The following IL10RA variants were observed in gnomAD, a reference collection of about 807,000 sequenced individuals.
IL10RA encodes the protein interleukin-10 receptor subunit alpha.
A neutral mutation model predicts 29.6 loss-of-function variants in IL10RA; 18 were observed. That is an observed-to-expected ratio of 0.61 (90% confidence interval 0.42 to 0.90). The LOEUF is 0.90. Ranked by LOEUF, IL10RA falls within the 40% of genes least tolerant of loss-of-function variation. The probability of loss-of-function intolerance (pLI) is 0.00; values close to 1 mark genes in which losing one functional copy is unlikely to be tolerated. For synonymous variants in IL10RA, 292 were observed against 294.1 expected (o/e 0.99, Z 0.07); for missense variants, 634 against 716.6 (o/e 0.88, Z 1.32).
chr11:117,991,084 C>T (rs772027721), intron 3 of IL10RA, among the ~76,000 whole-genome samples: 69 of 151,968 alleles, frequency 4.5e-4, no homozygotes, highest in Non-Finnish European at 7.9e-4. Flanking sequence ...GTAGTCTCAG[C>T]TACTCAGGGA....
chr11:118,000,133 A>T lies in IL10RA; in HGVS notation c.*492A>T. The stretch of plus-strand genomic sequence containing the variant: ...TTGCTGCTGGGGTCATTTTTAGGGG[A>T]AAAAGGAGGATATGATGGTCACATG... On this transcript the variant is annotated 3_prime_UTR_variant, in exon 7 of 7. Transcript: ENST00000227752. 1 of 454,716 alleles carries T rather than the reference A, an allele frequency of 2.2e-6. No homozygotes were observed. Among genetic ancestry groups the T allele is most frequent in the Non-Finnish European group, 4.4e-6 (1 of 227,364 alleles). 28.2% of individuals were successfully genotyped at this position (454,716 alleles called of 1,614,324 possible).
At chr11:118,002,467 A>G (rs2058101667), downstream of IL10RA, 1 of 152,250 alleles carries the variant, frequency 6.6e-6, no homozygotes, top group Admixed American at 6.5e-5. Flanking sequence ...ATTGGAAAGA[A>G]AAGTAGTGTT....
At position 117,989,284 on chromosome 11, in the gene IL10RA, C is replaced by T. The variant is rs1264115279; in HGVS notation, c.189-158C>T. ...ACGGGGTCCCAAGACCAAGGGAGAC[C>T]CCTCACAATGAGCTGCCGTGGACTA... On this transcript the variant is annotated intron_variant, in intron 2 of 6. Transcript: ENST00000227752. This position sits in a 1 kb window ranked among gnomAD's most constrained non-coding sequence, Gnocchi z 4.5. The T allele has an allele frequency of 6.8e-6, 5 of 732,806 alleles. No individual in the cohort carries two copies. The East Asian group carries it at 1.1e-4, about 15-fold the overall frequency. 45.4% of individuals were successfully genotyped at this position (732,806 alleles called of 1,614,324 possible). A position where few individuals can be genotyped will look rare whatever the true frequency, so the allele number is the denominator to read the frequency against.
At position 117,997,921 on chromosome 11, in the gene IL10RA, G is replaced by A. The variant is rs190977466; in HGVS notation, c.811-794G>A. 3.9e-5 allele frequency among the ~76,000 whole-genome samples: 6 copies of A among 152,236 alleles called. No individual in the cohort carries two copies. The East Asian group carries it at 5.8e-4, about 15-fold the overall frequency. On this transcript the variant is annotated intron_variant, in intron 6 of 6. Coordinates refer to ENST00000227752, the MANE Select transcript of IL10RA (RefSeq NM_001558.4). ...ACAGGACACAGCCATATAAAGTGCC[G>A]AGAGCATTTCAAGCAGGAGGGAGAG...
Position 117,995,668 on chromosome 11 carries a change from C to T in IL10RA, c.768C>T (p.Leu256=). 1 of 1,614,122 alleles carries T rather than the reference C, an allele frequency of 6.2e-7. No individual in the cohort carries two copies. The highest frequency in any genetic ancestry group is 8.5e-7 in the Non-Finnish European group (1 of 1,180,030). Residue 256 remains leucine (L), a synonymous_variant, in exon 6 of 7, where the codon CTC becomes CTT. Coordinates refer to ENST00000227752, the MANE Select transcript of IL10RA (RefSeq NM_001558.4). ...LSGALAYCLA[L]QLYVRRRKKL... The stretch of plus-strand genomic sequence containing the variant: ...GAGCCCTCGCCTACTGCCTGGCCCT[C>T]CAGCTGTATGTGCGGCGCCGAAAGA...
intron 3 of IL10RA, among the ~76,000 whole-genome samples, chr11:117,990,939 G>A (rs745812797): frequency 2.6e-5 from 4 of 152,174 alleles, no homozygotes; most frequent in Non-Finnish European, 4.4e-5. Flanking sequence ...GCTCACGGCT[G>A]TAATCCCAGC....
chr11:117,992,078 T>G (rs2058026183), intron 3 of IL10RA, among the ~76,000 whole-genome samples: 1 of 152,198 alleles, frequency 6.6e-6, no homozygotes, highest in African/African-American at 2.4e-5. Flanking sequence ...CTGTTGTATA[T>G]ACATACCACA....
chr11:117,994,224 T>C (rs1466462042), intron 5 of IL10RA, 75 bp downstream of exon 5: 1 of 1,324,926 alleles, frequency 7.5e-7, no homozygotes, highest in Non-Finnish European at 1.1e-6. Flanking sequence ...CGCGTGCACC[T>C]GGGATGCTGG....
chr11:117,999,587 T>A lies in IL10RA; in HGVS notation c.1683T>A (p.Phe561Leu). 1 of 1,614,158 alleles carries A rather than the reference T, an allele frequency of 6.2e-7. No homozygotes were observed. Among genetic ancestry groups the A allele is most frequent in the African/African-American group, 1.3e-5 (1 of 75,054 alleles). The change falls in exon 7 of 7, where the codon TTT becomes TTA. Residue 561 changes from phenylalanine (F) to leucine (L), a missense_variant. Phe to Leu is a conservative substitution (Grantham distance 22). Coordinates refer to ENST00000227752, the MANE Select transcript of IL10RA (RefSeq NM_001558.4). ...CCCCAGGTGGTCTCCTGGGCAGCTT[T>A]AACTCAGACCTGGTCACCCTGCCCC... The part of the protein sequence containing the change: ...VAAPGGLLGS[F>L]NSDLVTLPLI...
rs2058051633 is a variant in IL10RA, at chr11:117,995,678, G to A, written c.778G>A (p.Val260Met). 1.9e-6 allele frequency: 3 copies of A among 1,613,906 alleles called. No homozygotes were observed. In the African/African-American group the frequency reaches 4.0e-5, roughly 22 times the overall value. ...LAYCLALQLY[V>M]RRRKKLPSVL... is the part of the protein sequence containing the mutation. ...CTACTGCCTGGCCCTCCAGCTGTAT[G>A]TGCGGCGCCGAAAGAAGCTACCCAG... is the stretch of plus-strand genomic sequence containing the variant. The change falls in exon 6 of 7, where the codon GTG becomes ATG. Residue 260 changes from valine (V) to methionine (M), a missense_variant. Coordinates refer to ENST00000227752, the MANE Select transcript of IL10RA (RefSeq NM_001558.4).
Position 117,995,607 on chromosome 11 carries a change from T to A in IL10RA, c.707T>A (p.Val236Asp). Residue 236 changes from valine to aspartate, a missense_variant, in exon 6 of 7, where the codon GTC (valine) becomes GAC (aspartate). Physicochemically the swap from Val to Asp is radical, Grantham distance 152. Coordinates refer to ENST00000227752, the MANE Select transcript of IL10RA (RefSeq NM_001558.4). ...CCTGCAGATTTCACCGTGACCAACGTCATCATCTTCTTTGCCTTTGTCCTG... is the reference window on the plus strand; with the variant it reads ...CCTGCAGATTTCACCGTGACCAACGACATCATCTTCTTTGCCTTTGTCCTG... ...LTRQYFTVTN[V>D]IIFFAFVLLL... 1 of 1,614,150 alleles carries A rather than the reference T, an allele frequency of 6.2e-7. No individual in the cohort carries two copies. The highest frequency in any genetic ancestry group is 8.5e-7 in the Non-Finnish European group (1 of 1,180,026).
chr11:117,990,072 T>C (rs1466766248), intron 3 of IL10RA, among the ~76,000 whole-genome samples: 1 of 152,190 alleles, frequency 6.6e-6, no homozygotes, highest in Non-Finnish European at 1.5e-5. Context: ...GATCCCTCTC[T>C]GGAGAGGTAA....
chr11:117,988,571 T>G lies in IL10RA; in HGVS notation c.188+69T>G. ...CGCCTTGTCCTCTACTCTCCTAGCA[T>G]GGGAAGATACCTGCCTTGTTAATGA... On this transcript the variant is annotated intron_variant, in intron 2 of 6. Coordinates refer to ENST00000227752, the MANE Select transcript of IL10RA (RefSeq NM_001558.4). The G allele has an allele frequency of 3.2e-6, 5 of 1,577,978 alleles. 1 individual carries two copies. The South Asian group carries it at 5.5e-5, about 17-fold the overall frequency.
Position 117,989,506 on chromosome 11 carries a change from G to A in IL10RA, c.253G>A (p.Ala85Thr), listed in dbSNP as rs148441092. 44 of 1,613,978 alleles carry A rather than the reference G, an allele frequency of 2.7e-5. No individual in the cohort carries two copies. The highest frequency in any genetic ancestry group is 3.4e-5 in the Non-Finnish European group (40 of 1,179,970). The stretch of plus-strand genomic sequence containing the variant: ...CCAGACCCTGTCCTATGACCTTACC[G>A]CAGTGACCTTGGACCTGTACCACAG... ...CSQTLSYDLT[A>T]VTLDLYHSNG... The change falls in exon 3 of 7, where the codon GCA becomes ACA. Residue 85 changes from alanine (A) to threonine (T), a missense_variant. Physicochemically the swap from Ala to Thr is moderately conservative, Grantham distance 58. Coordinates refer to ENST00000227752, the MANE Select transcript of IL10RA (RefSeq NM_001558.4). The surrounding 1 kb of genome is among the most constrained non-coding windows in gnomAD (Gnocchi z 4.5).
Position 118,001,462 on chromosome 11 carries a change from T to A in IL10RA, c.*1821T>A. On this transcript the variant is annotated 3_prime_UTR_variant, in exon 7 of 7. Transcript: ENST00000227752. ...AAGTGATACATGTTTTTTATTCCAATAAATTGTCAAGACCACAGGAATCGT... is the reference window on the plus strand; with the variant it reads ...AAGTGATACATGTTTTTTATTCCAAAAAATTGTCAAGACCACAGGAATCGT... 1 of 427,896 alleles carries A rather than the reference T, an allele frequency of 2.3e-6. No individual in the cohort carries two copies. The highest frequency in any genetic ancestry group is 4.7e-6 in the Non-Finnish European group (1 of 213,272). 26.5% of individuals were successfully genotyped at this position (427,896 alleles called of 1,614,324 possible).
chr11:117,987,258 G>A (rs934624795), intron 1 of IL10RA: 1 of 229,576 alleles, frequency 4.4e-6, no homozygotes, highest in South Asian at 5.5e-5. Context: ...AGCCATTCAC[G>A]TGATCGAGAG....
In IL10RA at chr11:117,989,650, G is replaced by A; in HGVS notation, c.367+30G>A. ...TTTTCCTCCCTTGACTTAGAACATG[G>A]CTCTGAAGTCCCTTCCAGCCAGGAA... On this transcript the variant is annotated intron_variant, in intron 3 of 6. Coordinates refer to ENST00000227752, the MANE Select transcript of IL10RA (RefSeq NM_001558.4). The surrounding 1 kb of genome is among the most constrained non-coding windows in gnomAD (Gnocchi z 4.5). The A allele has an allele frequency of 3.1e-6, 5 of 1,607,150 alleles. No individual in the cohort carries two copies. Among genetic ancestry groups the A allele is most frequent in the Middle Eastern group, 2.0e-4 (1 of 4,976 alleles).
At chr11:117,987,472 C>T (rs995942281) in intron 1 of IL10RA, 4 of 155,228 alleles carry the variant, frequency 2.6e-5, no homozygotes, top group African/African-American at 7.2e-5. Context: ...AGTTAGAACA[C>T]TAGGGAGCGG....
chr11:117,993,577 C>G (rs1027452177), intron 4 of IL10RA, among the ~76,000 whole-genome samples, 167 bp downstream of exon 4: 1 of 152,198 alleles, frequency 6.6e-6, no homozygotes, highest in East Asian at 1.9e-4. Flanking sequence ...GCCCTCAGAG[C>G]TATGCTCTTG....
Sources: allele counts gnomAD v4.1 joint callset (sites outside exome capture counted in the v4.1 genomes callset), GRCh38; gene constraint gnomAD v4.1.1; non-coding constraint Gnocchi (gnomAD v3.1); transcripts MANE v1.5; gene names NCBI Gene and HGNC (gene_info 2026-07-23, HGNC 2026-07-21).